Variants in DPP10 observed in about 807,000 individuals in gnomAD.
DPP10 encodes the protein dipeptidyl peptidase like 10.
DPP10 carries 33 observed loss-of-function variants against 120.9 expected under a neutral mutation model. The observed-to-expected ratio is 0.27, with a 90% CI of 0.21 to 0.37. The LOEUF is 0.37. DPP10 is among the 10% of genes least tolerant of loss of function. DPP10 has a pLI of 1.00. For missense variants in DPP10, 816 were observed against 942.8 expected (o/e 0.87, Z 1.76); for synonymous variants, 337 against 326.1 (o/e 1.03, Z -0.36).
chr2:114,770,464 A>T (rs1401286266), intron 1 of DPP10, among the ~76,000 whole-genome samples: 2 of 152,194 alleles, frequency 1.3e-5, no homozygotes, highest in African/African-American at 4.8e-5. Flanking sequence ...AGAAATGGGG[A>T]CATTCACACA....
intron 13 of DPP10, among the ~76,000 whole-genome samples, chr2:115,773,479 T>C (rs191105878): frequency 6.6e-6 from 1 of 152,232 alleles, no homozygotes; most frequent in African/African-American, 2.4e-5. Flanking sequence ...CTCACGACTT[T>C]TGTTGCTTTT....
chr2:114,809,932 G>A (rs1481453826), intron 1 of DPP10, among the ~76,000 whole-genome samples: 2 of 151,954 alleles, frequency 1.3e-5, no homozygotes, highest in Non-Finnish European at 2.9e-5. Context: ...CTTCCCCTTA[G>A]ACCCCAAAGG....
chr2:115,408,386 T>C (rs2068690145), intron 3 of DPP10, among the ~76,000 whole-genome samples: 1 of 152,120 alleles, frequency 6.6e-6, no homozygotes, highest in South Asian at 2.1e-4. Context: ...GCCCAGTTTT[T>C]CAGCCTTCAG....
chr2:115,524,023 A>G (rs921553533), intron 4 of DPP10, among the ~76,000 whole-genome samples: 1 of 152,184 alleles, frequency 6.6e-6, no homozygotes, highest in Non-Finnish European at 1.5e-5. Flanking sequence ...TAGCATTGCC[A>G]TATGGTGATG....
At chr2:114,623,465 T>C (rs2105340483) in intron 1 of DPP10, among the ~76,000 whole-genome samples, 1 of 152,226 alleles carries the variant, frequency 6.6e-6, no homozygotes, top group Middle Eastern at 3.4e-3. Flanking sequence ...TATTTTGAGG[T>C]CAACCAAGAT....
chr2:115,762,493 C>A, intron 11 of DPP10, 79 bp from the exon 12 acceptor site: 1 of 1,470,498 alleles, frequency 6.8e-7, no homozygotes, highest in Non-Finnish European at 9.5e-7. Flanking sequence ...AAACTGATAA[C>A]CGTGTTTTAA....
intron 1 of DPP10, among the ~76,000 whole-genome samples, chr2:114,637,478 C>G (rs1695383000): frequency 6.6e-6 from 1 of 151,828 alleles, no homozygotes. Context: ...TGCAGAAGCT[C>G]TTTAGTTTAA....
At chr2:115,729,301 C>A (rs1341188307) in intron 8 of DPP10, among the ~76,000 whole-genome samples, 2 of 152,196 alleles carry the variant, frequency 1.3e-5, no homozygotes, top group Non-Finnish European at 2.9e-5. Context: ...AGTGCAGAGA[C>A]TAAGACGTGC....
intron 1 of DPP10, among the ~76,000 whole-genome samples, chr2:115,298,232 G>A (rs1452184071): frequency 1.3e-5 from 2 of 152,066 alleles, no homozygotes; most frequent in Non-Finnish European, 2.9e-5. Flanking sequence ...TAACACGTAT[G>A]GAGGAAGATT....
intron 1 of DPP10, among the ~76,000 whole-genome samples, chr2:114,464,824 C>T (rs1459663611): frequency 6.6e-6 from 1 of 152,140 alleles, no homozygotes; most frequent in African/African-American, 2.4e-5. Context: ...GAGATCGTGC[C>T]ACTGCACTCC....
intron 1 of DPP10, among the ~76,000 whole-genome samples, chr2:114,674,560 T>G (rs910626348): frequency 6.6e-6 from 1 of 152,208 alleles, no homozygotes; most frequent in African/African-American, 2.4e-5. Context: ...TTATAAGATA[T>G]GTCTGTGCAA....
chr2:115,486,862 G>T (rs1282950393), intron 3 of DPP10, among the ~76,000 whole-genome samples: 1 of 152,034 alleles, frequency 6.6e-6, no homozygotes, highest in Non-Finnish European at 1.5e-5. Flanking sequence ...TAGTTGAGTG[G>T]CTATCAACTG....
intron 5 of DPP10, among the ~76,000 whole-genome samples, chr2:115,534,735 A>G (rs2078697536): frequency 6.7e-6 from 1 of 149,740 alleles, no homozygotes; most frequent in Non-Finnish European, 1.5e-5. Flanking sequence ...CAACAGTGTA[A>G]AAGTGTTCCT....
rs1690477934 is a variant in DPP10, at chr2:115,844,716, A to C, written c.*2371A>C. On this transcript the variant is annotated 3_prime_UTR_variant, in exon 26 of 26. Coordinates refer to ENST00000410059, the MANE Select transcript of DPP10 (RefSeq NM_020868.6). ...TAGATTTTCCTAGGACTCCAATAGC[A>C]TGCTTTCCAAGTGTTATTATTCCCT... is the stretch of plus-strand genomic sequence containing the variant. The C allele has an allele frequency of 1.3e-5, 2 of 152,198 alleles. No individual in the cohort carries two copies. The highest frequency in any genetic ancestry group is 4.1e-4 in the South Asian group (2 of 4,836). The allele number at this position is 152,198 out of a possible 1,614,324, so 9.4% of individuals were successfully genotyped here.
At chr2:115,238,986 C>T (rs2058134816) in intron 1 of DPP10, among the ~76,000 whole-genome samples, 1 of 152,110 alleles carries the variant, frequency 6.6e-6, no homozygotes, top group Non-Finnish European at 1.5e-5. Context: ...AAGGAAGCAT[C>T]CAACACAGGA....
chr2:115,409,261 AC>A (rs2068756099), intron 3 of DPP10, among the ~76,000 whole-genome samples: 1 of 152,200 alleles, frequency 6.6e-6, no homozygotes, highest in Non-Finnish European at 1.5e-5. Context: ...AATTACCAAA[AC>A]AAACTCAACA....
At chr2:115,446,796 C>T (rs976967774) in intron 3 of DPP10, among the ~76,000 whole-genome samples, 2 of 152,104 alleles carry the variant, frequency 1.3e-5, no homozygotes, top group South Asian at 2.1e-4. Context: ...TGAAGTTTGG[C>T]GATTACCAAC....
chr2:114,925,741 T>A (rs1326561737), intron 1 of DPP10, among the ~76,000 whole-genome samples: 1 of 152,086 alleles, frequency 6.6e-6, no homozygotes, highest in African/African-American at 2.4e-5. Flanking sequence ...TGTGTGTGAA[T>A]GTGTACGTGC....
intron 1 of DPP10, among the ~76,000 whole-genome samples, chr2:115,286,526 A>ATATATATTATAT (rs10675008): frequency 1.6e-5 from 1 of 60,946 alleles, no homozygotes; most frequent in Non-Finnish European, 3.3e-5. Context: ...ATATATATAT[A>ATATATATTATAT]ATATATATAT....
Sources: allele counts gnomAD v4.1 joint callset (sites outside exome capture counted in the v4.1 genomes callset), GRCh38; gene constraint gnomAD v4.1.1; transcripts MANE v1.5; gene names NCBI Gene and HGNC (gene_info 2026-07-23, HGNC 2026-07-21).